Variants in MYRIP observed in about 807,000 individuals in gnomAD.
MYRIP encodes the protein myosin VIIA and Rab interacting protein, also known as rab effector MyRIP.
A neutral mutation model predicts 98.0 loss-of-function variants in MYRIP; 49 were observed. The ratio of observed to expected loss-of-function variants is 0.50; its 90% CI spans 0.40 to 0.63. The LOEUF (loss-of-function observed/expected upper bound fraction) is 0.63, where lower values mean the gene tolerates loss of function less well. Ranked by LOEUF, MYRIP falls within the 30% of genes least tolerant of loss-of-function variation. The pLI, the probability that MYRIP is intolerant of heterozygous loss-of-function variation, is 0.00. For synonymous variants in MYRIP, 404 were observed against 409.5 expected, an observed-to-expected ratio of 0.99 and a Z score of 0.16; for missense variants, 1,004 against 1,058.2, an observed-to-expected ratio of 0.95 and a Z score of 0.71.
chr3:40,119,256 T>A (rs1288018358), intron 3 of MYRIP, among the ~76,000 whole-genome samples: 3 of 152,160 alleles, frequency 2.0e-5, no homozygotes, highest in African/African-American at 7.2e-5. Flanking sequence ...TTCCTGACTT[T>A]TTAATGATTG....
intron 2 of MYRIP, among the ~76,000 whole-genome samples, chr3:40,026,029 T>TGGTTTTTCC (rs1947118426): frequency 6.6e-6 from 1 of 152,144 alleles, no homozygotes; most frequent in East Asian, 1.9e-4. Context: ...TACCAGGGTG[T>TGGTTTTTCC]GGTTTTTCCC....
rs532447021 is a variant in MYRIP at position 39,947,296 on chromosome 3, TAAG to T, written c.110+46373_110+46375del. Reference sequence around the variant, plus strand: ...ACTTGGGGTAATAAAAGAAAGAAATTAAGAAAAGTACAAGCAGAAATTAACAAT... The same window carrying T: ...ACTTGGGGTAATAAAAGAAAGAAATTAAAAGTACAAGCAGAAATTAACAAT... On this transcript the variant is annotated intron_variant, in intron 2 of 16. Transcript: ENST00000302541. Among the ~76,000 whole-genome samples the T allele has an allele frequency of 3.1e-4, 47 of 151,328 alleles. 1 individual carries two copies. The South Asian group carries it at 9.6e-3, about 31-fold the overall frequency.
intron 1 of MYRIP, among the ~76,000 whole-genome samples, chr3:39,861,053 A>G (rs1942453389): frequency 6.6e-6 from 1 of 152,194 alleles, no homozygotes; most frequent in African/African-American, 2.4e-5. Flanking sequence ...TCCCACTGCA[A>G]CCCACTAGTG....
chr3:39,850,565 C>G (rs1407754794), intron 1 of MYRIP, among the ~76,000 whole-genome samples: 1 of 151,416 alleles, frequency 6.6e-6, no homozygotes, highest in East Asian at 2.0e-4. Context: ...TAAATATTCT[C>G]CTTAAAAAAA....
intron 2 of MYRIP, among the ~76,000 whole-genome samples, chr3:40,032,734 A>C (rs1417603604): frequency 6.6e-6 from 1 of 152,182 alleles, no homozygotes; most frequent in Non-Finnish European, 1.5e-5. Flanking sequence ...GGCCAGCATC[A>C]TCCTGATACC....
At chr3:39,927,550 T>TA (rs1944443957) in intron 2 of MYRIP, among the ~76,000 whole-genome samples, 1 of 151,848 alleles carries the variant, frequency 6.6e-6, no homozygotes, top group Non-Finnish European at 1.5e-5. Context: ...GAATCAATCA[T>TA]AAAAAACCTA....
chr3:39,910,295 G>A (rs7624501), intron 2 of MYRIP, among the ~76,000 whole-genome samples: 66,771 of 151,670 alleles, frequency 0.44, 14,887 homozygotes, highest in East Asian at 0.53. Context: ...CTCAGGCGGA[G>A]CAGCCCTAGA....
chr3:40,117,496 CA>C lies in MYRIP; in HGVS notation c.333-33549del, dbSNP rs1389162069. On this transcript the variant is annotated intron_variant, in intron 3 of 16. Transcript: ENST00000302541. Reference sequence around the variant, plus strand: ...TCTACATTCTTAGCTGTTACATTTTCAAATTGAAATATTTTATTCACTACTC... The same window carrying C: ...TCTACATTCTTAGCTGTTACATTTTCAATTGAAATATTTTATTCACTACTC... Among the ~76,000 whole-genome samples, 12 of 152,308 alleles carry C rather than the reference CA, an allele frequency of 7.9e-5. No individual in the cohort carries two copies. The East Asian group carries it at 2.3e-3, about 29-fold the overall frequency.
intron 3 of MYRIP, among the ~76,000 whole-genome samples, chr3:40,097,744 C>T (rs1252636880): frequency 1.3e-5 from 2 of 152,212 alleles, no homozygotes; most frequent in Admixed American, 6.5e-5. Flanking sequence ...CCTCCTGTGT[C>T]TCTGTAGACA....
chr3:39,958,097 A>G (rs550103248), intron 2 of MYRIP, among the ~76,000 whole-genome samples: 1 of 152,250 alleles, frequency 6.6e-6, no homozygotes, highest in Non-Finnish European at 1.5e-5. Flanking sequence ...GAAAATGGCC[A>G]TACTGCCCAA....
At position 39,872,752 on chromosome 3, in the gene MYRIP, C is replaced by G. The variant is rs201531422; in HGVS notation, c.-30-28035C>G. Among the ~76,000 whole-genome samples, 73 of 152,106 alleles carry G rather than the reference C, an allele frequency of 4.8e-4. No individual in the cohort carries two copies. In the East Asian group the frequency reaches 8.1e-3, roughly 17 times the overall value. The stretch of plus-strand genomic sequence containing the variant: ...CAGTCTATCATTGTTGGACATTTGG[C>G]TTGGTTCCAAGTCTTTGCTATTGTG... On this transcript the variant is annotated intron_variant, in intron 1 of 16. Coordinates refer to ENST00000302541, the MANE Select transcript of MYRIP (RefSeq NM_015460.4).
At chr3:40,066,167 C>T (rs1286242147) in intron 3 of MYRIP, among the ~76,000 whole-genome samples, 1 of 152,158 alleles carries the variant, frequency 6.6e-6, no homozygotes, top group African/African-American at 2.4e-5. Flanking sequence ...AGAAGGAGAC[C>T]TCTCTGATGA....
At chr3:40,024,301 A>T (rs542164135) in intron 2 of MYRIP, among the ~76,000 whole-genome samples, 6 of 152,140 alleles carry the variant, frequency 3.9e-5, no homozygotes, top group African/African-American at 9.7e-5. Context: ...CTTTCCACTT[A>T]ACAGAGTTGT....
chr3:40,205,788 T>C lies in MYRIP; in HGVS notation c.1666-4066T>C, dbSNP rs1361372451. On this transcript the variant is annotated intron_variant, in intron 10 of 16. Coordinates refer to ENST00000302541, the MANE Select transcript of MYRIP (RefSeq NM_015460.4). ...AGTTGTTGTGATAATCAGGGTCCCT[T>C]TGAAGTAGAAGAGCATTTTTTTTTT... is the stretch of plus-strand genomic sequence containing the variant. Among the ~76,000 whole-genome samples, 3 of 151,192 alleles carry C rather than the reference T, an allele frequency of 2.0e-5. No individual in the cohort carries two copies. The East Asian group carries it at 5.8e-4, about 29-fold the overall frequency.
intron 2 of MYRIP, among the ~76,000 whole-genome samples, chr3:39,901,981 T>C (rs1943753436): frequency 6.6e-6 from 1 of 152,160 alleles, no homozygotes; most frequent in South Asian, 2.1e-4. Flanking sequence ...TTACCAGTTT[T>C]AAGCTGAGTG....
intron 3 of MYRIP, among the ~76,000 whole-genome samples, chr3:40,046,586 G>A (rs2280319): frequency 0.081 from 11,868 of 147,164 alleles, 545 homozygotes; most frequent in East Asian, 0.22. Flanking sequence ...CTCAGTTGGA[G>A]AGGAGGAATC....
chr3:39,981,056 A>G lies in MYRIP; in HGVS notation c.111-62994A>G, dbSNP rs539138921. Among the ~76,000 whole-genome samples, 12 of 152,316 alleles carry G rather than the reference A, an allele frequency of 7.9e-5. No homozygotes were observed. The East Asian group carries it at 2.3e-3, about 29-fold the overall frequency. On this transcript the variant is annotated intron_variant, in intron 2 of 16. Coordinates refer to ENST00000302541, the MANE Select transcript of MYRIP (RefSeq NM_015460.4). ...TAAGGTGGTAAATTTTATGTTGTAT[A>G]TATTTTACCACGATTAAAATAACAT...
chr3:39,847,752 A>G (rs1487578248), intron 1 of MYRIP, among the ~76,000 whole-genome samples: 1 of 152,174 alleles, frequency 6.6e-6, no homozygotes, highest in Admixed American at 6.5e-5. Flanking sequence ...GAATGCTTCC[A>G]TATATGCCCT....
intron 2 of MYRIP, among the ~76,000 whole-genome samples, chr3:39,988,166 G>T (rs1946080124): frequency 2.6e-5 from 4 of 152,058 alleles, no homozygotes; most frequent in African/African-American, 9.7e-5. Flanking sequence ...GTTGTGGGGT[G>T]GGGGAAGGGG....
Sources: allele counts gnomAD v4.1 joint callset (sites outside exome capture counted in the v4.1 genomes callset), GRCh38; gene constraint gnomAD v4.1.1; transcripts MANE v1.5; gene names NCBI Gene and HGNC (gene_info 2026-07-23, HGNC 2026-07-21).